NEK1: variants seen among roughly 807,000 people sequenced by gnomAD.
NEK1 encodes NIMA related kinase 1.
In NEK1, 137 loss-of-function variants were observed where a neutral mutation model predicts 182.1. The ratio of observed to expected loss-of-function variants is 0.75; its 90% CI spans 0.65 to 0.87. The LOEUF is 0.87. NEK1 is among the 40% of genes least tolerant of loss of function. The pLI, the probability that NEK1 is intolerant of heterozygous loss-of-function variation, is 0.00. For synonymous variants in NEK1, 513 were observed against 492.2 expected, an observed-to-expected ratio of 1.04 and a Z score of -0.56; for missense variants, 1,391 against 1,494.4, an observed-to-expected ratio of 0.93 and a Z score of 1.14.
chr4:169,463,254 G>C lies in NEK1; in HGVS notation c.2576C>G (p.Thr859Ser). Reference protein sequence around the residue: ...QLQTELLENTTIRSEISPEGE... With the variant: ...QLQTELLENTSIRSEISPEGE... ...CAGTTTCTCCTTACCACTTCTAATAGTTGTATTTTCTAATAGTTCTGTCTG... is the reference window on the plus strand; with the variant it reads ...CAGTTTCTCCTTACCACTTCTAATACTTGTATTTTCTAATAGTTCTGTCTG... The change falls in exon 27 of 36, where the codon ACT (threonine) becomes AGT (serine). Residue 859 changes from threonine (T) to serine (S), a missense_variant. Around this residue, in one of 5 missense-constraint regions of NEK1, gnomAD observed 1,216 missense variants for 1,277.6 expected, o/e 0.95. Transcript: ENST00000507142. 1 of 1,563,462 alleles carries C rather than the reference G, an allele frequency of 6.4e-7. No individual in the cohort carries two copies. The highest frequency in any genetic ancestry group is 8.7e-7 in the Non-Finnish European group (1 of 1,155,410).
At chr4:169,500,069 C>A (rs1752140268) in intron 23 of NEK1, among the ~76,000 whole-genome samples, 1 of 152,126 alleles carries the variant, frequency 6.6e-6, no homozygotes, top group Admixed American at 6.5e-5. Context: ...TTCCCGGCCA[C>A]TTTGTTTACC....
intron 27 of NEK1, among the ~76,000 whole-genome samples, chr4:169,442,380 C>T (rs1739633087): frequency 6.6e-6 from 1 of 152,076 alleles, no homozygotes; most frequent in Non-Finnish European, 1.5e-5. Context: ...ACTACTCTGC[C>T]CACCCAGAAT....
chr4:169,501,762 A>G (rs1324386339), intron 23 of NEK1, among the ~76,000 whole-genome samples: 5 of 152,172 alleles, frequency 3.3e-5, no homozygotes, highest in African/African-American at 4.8e-5. Context: ...AGTTAAAAGG[A>G]AAGTTTACAG....
rs72691078 is a variant in NEK1, at chr4:169,480,838, A to G, written c.2008-1304T>C. 3.6e-3 allele frequency among the ~76,000 whole-genome samples: 547 copies of G among 152,258 alleles called. 3 individuals are homozygous for G. The highest frequency in any genetic ancestry group is 0.022 in the South Asian group (105 of 4,820). ...AATGACTGTCCTGACTCAGTCTCCC[A>G]AAGTGCTGGGATTACAAGCGTAAGC... On this transcript the variant is annotated intron_variant, in intron 23 of 35. Transcript: ENST00000507142.
intron 5 of NEK1, among the ~76,000 whole-genome samples, chr4:169,591,635 T>C (rs1768529036): frequency 1.3e-5 from 2 of 152,180 alleles, no homozygotes; most frequent in African/African-American, 2.4e-5. Context: ...TTCTATCTCA[T>C]TGTTAACATC....
intron 2 of NEK1, 147 bp from the exon 3 acceptor site, chr4:169,602,825 T>C: frequency 2.0e-6 from 1 of 492,764 alleles, no homozygotes. Context: ...AAGTTACACT[T>C]TATATACTTT....
chr4:169,569,385 C>T (rs1351624928), intron 12 of NEK1, among the ~76,000 whole-genome samples: 5 of 151,920 alleles, frequency 3.3e-5, no homozygotes, highest in South Asian at 2.1e-4. Context: ...ACTGGGATAT[C>T]GTCAGCAGCT....
chr4:169,501,638 G>T (rs1417591082), intron 23 of NEK1, among the ~76,000 whole-genome samples: 1 of 152,088 alleles, frequency 6.6e-6, no homozygotes, highest in Non-Finnish European at 1.5e-5. Flanking sequence ...TAAACAACCT[G>T]CTTCTGAATG....
intron 27 of NEK1, among the ~76,000 whole-genome samples, chr4:169,460,395 C>T (rs1423925791): frequency 1.3e-5 from 2 of 151,734 alleles, no homozygotes; most frequent in Admixed American, 6.6e-5. Context: ...CATCAGATCT[C>T]GTGAGATCCA....
chr4:169,571,807 T>C (rs7692349), intron 12 of NEK1, among the ~76,000 whole-genome samples: 43,770 of 151,546 alleles, frequency 0.29, 8,925 homozygotes, highest in African/African-American at 0.59. Context: ...CAGCTCACTG[T>C]AACCTCTGCC....
chr4:169,589,202 T>C (rs1026027718), intron 7 of NEK1, among the ~76,000 whole-genome samples: 3 of 152,188 alleles, frequency 2.0e-5, no homozygotes, highest in African/African-American at 4.8e-5. Context: ...CCAGAAACAA[T>C]AGGCTACACC....
Position 169,416,786 on chromosome 4 carries a change from T to C in NEK1, c.3222+7767A>G, listed in dbSNP as rs60669012. Among the ~76,000 whole-genome samples the C allele has an allele frequency of 6.3e-3, 957 of 152,242 alleles. 7 individuals are homozygous for C. The highest frequency in any genetic ancestry group is 0.022 in the African/African-American group (907 of 41,560). Reference sequence around the variant, plus strand: ...CAGATATGGTGAAGCATGCCTGTAGTCCCAGCTATTCAGGAGGCTGAGGCG... The same window carrying C: ...CAGATATGGTGAAGCATGCCTGTAGCCCCAGCTATTCAGGAGGCTGAGGCG... On this transcript the variant is annotated intron_variant, in intron 31 of 35. Transcript: ENST00000507142.
intron 4 of NEK1, among the ~76,000 whole-genome samples, chr4:169,601,209 A>T (rs965424417): frequency 3.9e-5 from 6 of 152,218 alleles, no homozygotes; most frequent in Non-Finnish European, 8.8e-5. Flanking sequence ...TCATCTGGGA[A>T]TGTAGTAACT....
chr4:169,448,156 G>A (rs1292852454), intron 27 of NEK1, among the ~76,000 whole-genome samples: 1 of 152,060 alleles, frequency 6.6e-6, no homozygotes, highest in Non-Finnish European at 1.5e-5. Context: ...TGAGCCAGAA[G>A]GTGGAAGTTG....
At chr4:169,497,999 A>G (rs1751684330) in intron 23 of NEK1, among the ~76,000 whole-genome samples, 1 of 152,128 alleles carries the variant, frequency 6.6e-6, no homozygotes, top group African/African-American at 2.4e-5. Context: ...AACGTTGACA[A>G]TGGGGTGTTA....
At chr4:169,549,843 C>T (rs1450172877) in intron 18 of NEK1, among the ~76,000 whole-genome samples, 1 of 152,180 alleles carries the variant, frequency 6.6e-6, no homozygotes, top group Non-Finnish European at 1.5e-5. Context: ...CCTCAGCCTC[C>T]TGAGTTGCTG....
intron 2 of NEK1, among the ~76,000 whole-genome samples, chr4:169,611,229 G>A (rs983935969): frequency 3.9e-5 from 6 of 152,150 alleles, no homozygotes; most frequent in African/African-American, 1.4e-4. Flanking sequence ...GGTCAAGTCC[G>A]ACGACCTTTA....
chr4:169,603,000 G>A (rs1208722497), intron 2 of NEK1, among the ~76,000 whole-genome samples: 3 of 152,256 alleles, frequency 2.0e-5, no homozygotes. Flanking sequence ...CAAAAAGAAT[G>A]AAAACCTAAT....
At chr4:169,404,773 T>TG (rs1206646232) in intron 32 of NEK1, among the ~76,000 whole-genome samples, 5 of 113,660 alleles carry the variant, frequency 4.4e-5, no homozygotes, top group Middle Eastern at 5.5e-3. Context: ...TGTTTTTTTA[T>TG]GGAAAAAAAT....
Sources: allele counts gnomAD v4.1 joint callset (sites outside exome capture counted in the v4.1 genomes callset), GRCh38; gene constraint gnomAD v4.1.1; regional missense constraint gnomAD v4.1.1; transcripts MANE v1.5; gene names NCBI Gene and HGNC (gene_info 2026-07-23, HGNC 2026-07-21).